PCCA: variants seen among roughly 807,000 people sequenced by gnomAD.
The protein encoded by PCCA is propionyl-CoA carboxylase alpha chain, mitochondrial.
In PCCA, 74 loss-of-function variants were observed where a neutral mutation model predicts 101.3. That is an observed-to-expected ratio of 0.73 (90% CI 0.61 to 0.89). The LOEUF (loss-of-function observed/expected upper bound fraction) is 0.89, where lower values mean the gene tolerates loss of function less well. PCCA is among the 40% of genes least tolerant of loss of function. The pLI is 0.00. For missense variants in PCCA, 891 were observed against 907.0 expected (o/e 0.98, Z 0.23); for synonymous variants, 294 against 313.6 (o/e 0.94, Z 0.66).
chr13:100,287,769 A>G (rs999421973), intron 12 of PCCA, among the ~76,000 whole-genome samples: 3 of 151,782 alleles, frequency 2.0e-5, no homozygotes, highest in African/African-American at 2.4e-5. Context: ...CCATAGCTTC[A>G]TGATTAGTGA....
chr13:100,142,967 CT>C (rs1439435196), intron 4 of PCCA, among the ~76,000 whole-genome samples: 1 of 152,182 alleles, frequency 6.6e-6, no homozygotes, highest in South Asian at 2.1e-4. Context: ...TTGATCTCCC[CT>C]GATACATTTA....
chr13:100,234,892 AACAC>A (rs370152898), intron 7 of PCCA, among the ~76,000 whole-genome samples: 25 of 95,302 alleles, frequency 2.6e-4, no homozygotes, highest in East Asian at 1.1e-3. Context: ...GAATTACACA[AACAC>A]ACACACACAC....
intron 21 of PCCA, among the ~76,000 whole-genome samples, chr13:100,502,259 A>C (rs1192880501): frequency 6.6e-6 from 1 of 152,206 alleles, no homozygotes; most frequent in Admixed American, 6.5e-5. Flanking sequence ...CTAGCTTCTA[A>C]GCCTGTGAAA....
At chr13:100,093,117 A>T (rs979877805) in intron 1 of PCCA, among the ~76,000 whole-genome samples, 16 of 151,486 alleles carry the variant, frequency 1.1e-4, no homozygotes, top group African/African-American at 3.4e-4. Context: ...ACAAGGATGA[A>T]AAAGGAATTT....
At chr13:100,168,513 A>C (rs1205934009) in intron 6 of PCCA, among the ~76,000 whole-genome samples, 1 of 152,172 alleles carries the variant, frequency 6.6e-6, no homozygotes, top group African/African-American at 2.4e-5. Flanking sequence ...CCATGTATGC[A>C]TGGGTCAGAT....
intron 2 of PCCA, among the ~76,000 whole-genome samples, chr13:100,105,343 G>A (rs2047650500): frequency 6.6e-6 from 1 of 152,098 alleles, no homozygotes. Flanking sequence ...GATATGCTTT[G>A]GGGTTCATGT....
At chr13:100,328,878 G>A (rs1303327771) in intron 16 of PCCA, among the ~76,000 whole-genome samples, 1 of 151,426 alleles carries the variant, frequency 6.6e-6, no homozygotes, top group Non-Finnish European at 1.5e-5. Context: ...ATTTTTAGTA[G>A]AGATGGGGTT....
intron 2 of PCCA, 92 bp from the exon 3 acceptor site, chr13:100,111,749 G>T (rs2048339840): frequency 9.3e-6 from 7 of 756,738 alleles, no homozygotes; most frequent in Non-Finnish European, 1.7e-5. Context: ...GTTATATTCA[G>T]TGTTGATGTT....
chr13:100,441,578 G>C (rs1036610628), intron 20 of PCCA, among the ~76,000 whole-genome samples: 6 of 152,046 alleles, frequency 3.9e-5, no homozygotes, highest in African/African-American at 1.4e-4. Flanking sequence ...ATTTTTTAAA[G>C]AAATAAAAAG....
At chr13:100,143,788 T>C (rs1311309264) in intron 4 of PCCA, among the ~76,000 whole-genome samples, 4 of 152,110 alleles carry the variant, frequency 2.6e-5, no homozygotes, top group Non-Finnish European at 5.9e-5. Flanking sequence ...AGGGTCTTGC[T>C]CTGTCACCCA....
At chr13:100,494,131 G>A (rs1378872033) in intron 21 of PCCA, among the ~76,000 whole-genome samples, 1 of 152,072 alleles carries the variant, frequency 6.6e-6, no homozygotes, top group Non-Finnish European at 1.5e-5. Flanking sequence ...GGAGATTACA[G>A]TGAGCTGAGA....
At chr13:100,277,203 G>A (rs962401517) in intron 12 of PCCA, among the ~76,000 whole-genome samples, 1 of 152,036 alleles carries the variant, frequency 6.6e-6, no homozygotes, top group African/African-American at 2.4e-5. Context: ...ATTCCTTTAT[G>A]GTGCCCACTA....
intron 22 of PCCA, among the ~76,000 whole-genome samples, chr13:100,525,838 G>A (rs923207933): frequency 4.6e-5 from 7 of 152,330 alleles, no homozygotes; most frequent in Admixed American, 2.6e-4. Context: ...TTGGGAGGCC[G>A]GCATGCAGTC....
intron 12 of PCCA, among the ~76,000 whole-genome samples, chr13:100,282,910 C>T (rs980078238): frequency 2.6e-5 from 4 of 152,154 alleles, no homozygotes; most frequent in African/African-American, 7.2e-5. Flanking sequence ...AATCTCCCCC[C>T]GCCCAGAAGG....
At chr13:100,526,470 A>C (rs1017000626) in intron 22 of PCCA, among the ~76,000 whole-genome samples, 1 of 152,242 alleles carries the variant, frequency 6.6e-6, no homozygotes, top group East Asian at 1.9e-4. Flanking sequence ...ACATCGGCTC[A>C]GGCGCTCCAG....
chr13:100,528,267 A>T (rs1298777320), intron 23 of PCCA, among the ~76,000 whole-genome samples: 1 of 152,244 alleles, frequency 6.6e-6, no homozygotes, highest in Non-Finnish European at 1.5e-5. Flanking sequence ...GTGAAACTTA[A>T]GTGTATTTTT....
At chr13:100,313,354 G>C (rs568708014) in intron 16 of PCCA, among the ~76,000 whole-genome samples, 1 of 152,302 alleles carries the variant, frequency 6.6e-6, no homozygotes, top group Non-Finnish European at 1.5e-5. Context: ...TAAACACAGG[G>C]CTGGCTAAAT....
At chr13:100,292,967 G>C (rs2065253308) in intron 12 of PCCA, among the ~76,000 whole-genome samples, 1 of 144,746 alleles carries the variant, frequency 6.9e-6, no homozygotes. Flanking sequence ...GTGTCTGTTT[G>C]TGTGTGTGTA....
At chr13:100,282,619 C>G (rs1295187397) in intron 12 of PCCA, among the ~76,000 whole-genome samples, 1 of 152,206 alleles carries the variant, frequency 6.6e-6, no homozygotes, top group African/African-American at 2.4e-5. Context: ...TGCCAGCCCA[C>G]CGTGCTGCAC....
Sources: allele counts gnomAD v4.1 joint callset (sites outside exome capture counted in the v4.1 genomes callset), GRCh38; gene constraint gnomAD v4.1.1; transcripts MANE v1.5; gene names NCBI Gene and HGNC (gene_info 2026-07-23, HGNC 2026-07-21).